Variants in CSMD1 observed in about 807,000 individuals in gnomAD.
CSMD1 encodes CUB and Sushi multiple domains 1, also known as CUB and sushi domain-containing protein 1.
A neutral mutation model predicts 417.5 loss-of-function variants in CSMD1; 213 were observed. The observed-to-expected ratio is 0.51, with a 90% CI of 0.46 to 0.57. The LOEUF (loss-of-function observed/expected upper bound fraction) is 0.57. Ranked by LOEUF, CSMD1 falls within the 20% of genes least tolerant of loss-of-function variation. CSMD1 has a pLI of 0.00. For missense variants in CSMD1, 6,923 were observed against 4,529.7 expected (o/e 1.53, Z -15.17); for synonymous variants, 2,862 against 1,736.8 (o/e 1.65, Z -16.11).
Position 4,505,050 on chromosome 8 carries a change from C to G in CSMD1, c.303-84985G>C, listed in dbSNP as rs560542001. Reference sequence around the variant, plus strand: ...ATTTCTGTTCTAGATCCTTGAGGAACTGCCACACTGTCTTCCACAATGGTT... The same window carrying G: ...ATTTCTGTTCTAGATCCTTGAGGAAGTGCCACACTGTCTTCCACAATGGTT... On this transcript the variant is annotated intron_variant, in intron 2 of 69. Transcript: ENST00000635120. Among the ~76,000 whole-genome samples, 443 of 152,222 alleles carry G rather than the reference C, an allele frequency of 2.9e-3. 1 individual carries two copies. Among genetic ancestry groups the G allele is most frequent in the Non-Finnish European group, 3.7e-3 (250 of 67,992 alleles).
At chr8:4,343,745 G>C (rs1465588180) in intron 3 of CSMD1, among the ~76,000 whole-genome samples, 3 of 151,954 alleles carry the variant, frequency 2.0e-5, no homozygotes, top group African/African-American at 7.2e-5. Context: ...ATATCATCTT[G>C]ATGTGTGCAC....
At chr8:4,848,567 C>A (rs1408248958) in intron 1 of CSMD1, among the ~76,000 whole-genome samples, 1 of 149,812 alleles carries the variant, frequency 6.7e-6, no homozygotes, top group African/African-American at 2.5e-5. Context: ...GAGACGGAGT[C>A]TCACTCTGTC....
chr8:4,123,656 A>G (rs1426327501), intron 3 of CSMD1, among the ~76,000 whole-genome samples: 1 of 152,220 alleles, frequency 6.6e-6, no homozygotes, highest in African/African-American at 2.4e-5. Flanking sequence ...GGAACTGGTA[A>G]CACTCTTAAA....
chr8:4,779,351 A>G (rs960308719), intron 1 of CSMD1, among the ~76,000 whole-genome samples: 5 of 152,202 alleles, frequency 3.3e-5, no homozygotes, highest in African/African-American at 1.2e-4. Context: ...GAACTGGCTC[A>G]AAGGATAATT....
Position 3,892,715 on chromosome 8 carries a change from GTTT to G in CSMD1, c.818+105185_818+105187del, listed in dbSNP as rs35178951. Among the ~76,000 whole-genome samples the G allele has an allele frequency of 3.3e-3, 352 of 107,026 alleles. 2 individuals are homozygous for G. Among genetic ancestry groups the G allele is most frequent in the African/African-American group, 3.6e-3 (109 of 29,996 alleles). The allele number at this position is 107,026 out of a possible 152,430, so 70.2% of individuals were successfully genotyped here. ...CACTTATTTGAGTACATTTAGGCAG[GTTT>G]TTTTTTTTTTTTTTTTTGCCACTTC... On this transcript the variant is annotated intron_variant, in intron 5 of 69. Coordinates refer to ENST00000635120, the MANE Select transcript of CSMD1 (RefSeq NM_033225.6).
intron 3 of CSMD1, among the ~76,000 whole-genome samples, chr8:4,326,144 T>C (rs1799552028): frequency 6.6e-6 from 1 of 152,118 alleles, no homozygotes; most frequent in South Asian, 2.1e-4. Flanking sequence ...AAATATTCAG[T>C]TTAGAGTTGT....
At chr8:4,908,764 C>T (rs1010521446) in intron 1 of CSMD1, among the ~76,000 whole-genome samples, 2 of 151,360 alleles carry the variant, frequency 1.3e-5, no homozygotes, top group Admixed American at 6.6e-5. Context: ...TTAGAGTTTT[C>T]ATGTTTCTGC....
chr8:2,942,440 A>AC (rs750448282), intron 69 of CSMD1, 32 bp downstream of exon 69: 1 of 1,594,522 alleles, frequency 6.3e-7, no homozygotes, highest in East Asian at 2.2e-5. Flanking sequence ...TACACTCACA[A>AC]CATTCTCAAA....
intron 33 of CSMD1, among the ~76,000 whole-genome samples, chr8:3,198,225 TA>T (rs1563134720): frequency 1.3e-5 from 2 of 152,192 alleles, no homozygotes; most frequent in African/African-American, 4.8e-5. Context: ...GGATAGATTT[TA>T]TAATCTTTAT....
chr8:3,406,038 G>A lies in CSMD1; in HGVS notation c.2255C>T (p.Pro752Leu). 6.2e-7 allele frequency: 1 copy of A among 1,613,810 alleles called. No homozygotes were observed. The highest frequency in any genetic ancestry group is 8.5e-7 in the Non-Finnish European group (1 of 1,179,810). Residue 752 changes from proline to leucine, a missense_variant, in exon 15 of 70, where the codon CCC (proline) becomes CTC (leucine). Physicochemically the swap from Pro to Leu is moderately conservative, Grantham distance 98. Transcript: ENST00000635120. ...GGCAGGGACTGCACCTTCACAGCGGGGCACGGTGGAGCTCCAGACCACGTT... is the reference window on the plus strand; with the variant it reads ...GGCAGGGACTGCACCTTCACAGCGGAGCACGGTGGAGCTCCAGACCACGTT... ...DGNVVWSSTV[P>L]RCEAPCGGHL...
At chr8:3,492,415 A>C (rs1818435166) in intron 11 of CSMD1, among the ~76,000 whole-genome samples, 1 of 152,182 alleles carries the variant, frequency 6.6e-6, no homozygotes, top group Non-Finnish European at 1.5e-5. Flanking sequence ...GTAGTATATA[A>C]GTAGACAAAG....
chr8:4,219,017 C>T (rs1563292028), intron 3 of CSMD1, among the ~76,000 whole-genome samples: 1 of 152,140 alleles, frequency 6.6e-6, no homozygotes, highest in Non-Finnish European at 1.5e-5. Flanking sequence ...CCTCAAGTCA[C>T]ACTTTGTGTC....
In CSMD1 at chr8:4,688,866, G is replaced by A. The variant is rs192392817; in HGVS notation, c.86-51308C>T. ...GTTGTAGACAGGGGAAATGAAGATT[G>A]ACATAAATTCTATAACTCACGTCAG... On this transcript the variant is annotated intron_variant, in intron 1 of 69. Transcript: ENST00000635120. 1.8e-3 allele frequency among the ~76,000 whole-genome samples: 270 copies of A among 152,278 alleles called. 1 individual carries two copies. Among genetic ancestry groups the A allele is most frequent in the African/African-American group, 6.3e-3 (263 of 41,566 alleles).
intron 3 of CSMD1, among the ~76,000 whole-genome samples, chr8:4,179,657 G>A (rs186737246): frequency 1.1e-3 from 166 of 152,132 alleles, no homozygotes; most frequent in African/African-American, 3.7e-3. Flanking sequence ...CAGAATGGGA[G>A]GAAATTTTCG....
intron 5 of CSMD1, among the ~76,000 whole-genome samples, chr8:3,772,049 C>T (rs1296658299): frequency 6.6e-6 from 1 of 151,688 alleles, no homozygotes; most frequent in Non-Finnish European, 1.5e-5. Context: ...CTAGTGCGAG[C>T]ATCTGAGTCT....
chr8:4,467,593 C>G (rs949469056), intron 2 of CSMD1, among the ~76,000 whole-genome samples: 5 of 152,154 alleles, frequency 3.3e-5, no homozygotes, highest in Non-Finnish European at 7.4e-5. Context: ...TCTCCCTTTT[C>G]AAGAGTCAGT....
chr8:4,712,500 G>A (rs771232397), intron 1 of CSMD1, among the ~76,000 whole-genome samples: 1 of 152,096 alleles, frequency 6.6e-6, no homozygotes, highest in African/African-American at 2.4e-5. Context: ...ATTGCTTGCA[G>A]GAAAATTTCC....
intron 3 of CSMD1, among the ~76,000 whole-genome samples, chr8:4,081,878 G>A (rs572259390): frequency 2.2e-4 from 33 of 152,250 alleles, no homozygotes; most frequent in Non-Finnish European, 2.5e-4. Context: ...ATATCAAAAT[G>A]TGTTGGATTT....
intron 2 of CSMD1, among the ~76,000 whole-genome samples, chr8:4,523,083 C>T (rs1413108037): frequency 1.3e-5 from 2 of 152,154 alleles, no homozygotes; most frequent in Non-Finnish European, 2.9e-5. Context: ...ATAGAAACTC[C>T]AACCTTTTGG....
Sources: allele counts gnomAD v4.1 joint callset (sites outside exome capture counted in the v4.1 genomes callset), GRCh38; gene constraint gnomAD v4.1.1; transcripts MANE v1.5; gene names NCBI Gene and HGNC (gene_info 2026-07-23, HGNC 2026-07-21).